CENPF: variants seen among roughly 807,000 people sequenced by gnomAD.
CENPF encodes the protein centromere protein F, also known as AH antigen.
A neutral mutation model predicts 307.3 loss-of-function variants in CENPF; 214 were observed. That is an observed-to-expected ratio of 0.70 (90% CI 0.62 to 0.78). CENPF has a LOEUF of 0.78. Ranked by LOEUF, CENPF falls within the 30% of genes least tolerant of loss-of-function variation. CENPF has a pLI of 0.00. For missense variants in CENPF, 3,401 were observed against 3,483.9 expected, an observed-to-expected ratio of 0.98 and a Z score of 0.60; for synonymous variants, 1,259 against 1,270.6, an observed-to-expected ratio of 0.99 and a Z score of 0.19.
chr1:214,631,011 A>G (rs1462870330), intron 9 of CENPF, among the ~76,000 whole-genome samples: 1 of 152,140 alleles, frequency 6.6e-6, no homozygotes, highest in African/African-American at 2.4e-5. Context: ...CTCACTCCCA[A>G]AGTGGTCTCA....
chr1:214,657,282 A>G lies in CENPF; in HGVS notation c.8835A>G (p.Pro2945=). 6.2e-7 allele frequency: 1 copy of G among 1,614,122 alleles called. No homozygotes were observed. Among genetic ancestry groups the G allele is most frequent in the Non-Finnish European group, 8.5e-7 (1 of 1,180,002 alleles). Reference sequence around the variant, plus strand: ...GAATATGGGAGAATGGTAGAGGACCAACACCTGCTACCCCAGAGAGCTTTT... The same window carrying G: ...GAATATGGGAGAATGGTAGAGGACCGACACCTGCTACCCCAGAGAGCTTTT... ...SSGIWENGRG[P]TPATPESFSK... The change falls in exon 18 of 20, where the codon CCA becomes CCG. Residue 2945 remains proline, a synonymous_variant. Coordinates refer to ENST00000366955, the MANE Select transcript of CENPF (RefSeq NM_016343.4).
Position 214,640,084 on chromosome 1 carries a change from A to G in CENPF, c.1746A>G (p.Glu582=), listed in dbSNP as rs1313674531. The part of the protein sequence containing the change: ...DLLKKREHHI[E]QLNDKLSKTE... ...TGAAGAAAAGAGAACATCACATTGA[A>G]CAACTTAATGATAAGTTAAGCAAGA... Residue 582 remains glutamate (E), a synonymous_variant, in exon 12 of 20, where the codon GAA becomes GAG. Coordinates refer to ENST00000366955, the MANE Select transcript of CENPF (RefSeq NM_016343.4). 6.3e-7 allele frequency: 1 copy of G among 1,597,044 alleles called. No individual in the cohort carries two copies. Among genetic ancestry groups the G allele is most frequent in the Non-Finnish European group, 8.5e-7 (1 of 1,176,020 alleles).
Position 214,652,906 on chromosome 1 carries a change from G to A in CENPF, c.8239G>A (p.Asp2747Asn), listed in dbSNP as rs1157397745. The stretch of plus-strand genomic sequence containing the variant: ...TCTCAGTTCACAGAAGCTGGAGATA[G>A]ACCTTTTAAAGTCTAGTAAAGAAGA... ...ECLSSQKLEI[D>N]LLKSSKEELN... The change falls in exon 16 of 20, where the codon GAC becomes AAC. Residue 2747 changes from aspartate (D) to asparagine (N), a missense_variant. Physicochemically the swap from Asp to Asn is conservative, Grantham distance 23. Coordinates refer to ENST00000366955, the MANE Select transcript of CENPF (RefSeq NM_016343.4). The A allele has an allele frequency of 6.2e-7, 1 of 1,608,872 alleles. No homozygotes were observed. Among genetic ancestry groups the A allele is most frequent in the Non-Finnish European group, 8.5e-7 (1 of 1,178,006 alleles).
rs766714430 is a variant in CENPF, at chr1:214,643,295, C to CGGTCTTTGCTT, written c.4960_4970dup (p.Ile1658LeufsTer51). 1 of 1,509,794 alleles carries CGGTCTTTGCTT rather than the reference C, an allele frequency of 6.6e-7. No individual in the cohort carries two copies. Among genetic ancestry groups the CGGTCTTTGCTT allele is most frequent in the African/African-American group, 1.4e-5 (1 of 70,940 alleles). The allele number at this position is 1,509,794 out of a possible 1,614,324, so 93.5% of individuals were successfully genotyped here. A position where few individuals can be genotyped will look rare whatever the true frequency, so the allele number is the denominator to read the frequency against. ...GCTACAAGGTCTGGACTTAAGTTCT[C>CGGTCTTTGCTT]GGTCTTTGCTTGGCATCGACACAGA... is the stretch of plus-strand genomic sequence containing the variant. On this transcript the variant is annotated frameshift_variant, in exon 12 of 20. Transcript: ENST00000366955. LOFTEE classifies it high-confidence loss of function.
At position 214,620,689 on chromosome 1, in the gene CENPF, A is replaced by G; in HGVS notation, c.608A>G (p.Asn203Ser). The G allele has an allele frequency of 6.2e-7, 1 of 1,613,998 alleles. No homozygotes were observed. The highest frequency in any genetic ancestry group is 8.5e-7 in the Non-Finnish European group (1 of 1,179,966). The change falls in exon 6 of 20, where the codon AAT becomes AGT. Residue 203 changes from asparagine (N) to serine (S), a missense_variant. Asn to Ser is a conservative substitution (Grantham distance 46, BLOSUM62 1). Transcript: ENST00000366955. ...ASQTLPQATM[N>S]HRDIARHQAS... ...CAGACTCTTCCACAAGCCACCATGAATCACCGCGACATTGCCCGGCATCAG... is the reference window on the plus strand; with the variant it reads ...CAGACTCTTCCACAAGCCACCATGAGTCACCGCGACATTGCCCGGCATCAG...
At position 214,620,870 on chromosome 1, in the gene CENPF, AAG is replaced by A. The variant is rs1229601353; in HGVS notation, c.793_794del (p.Asp265CysfsTer2). 2.5e-6 allele frequency: 4 copies of A among 1,614,096 alleles called. No homozygotes were observed. The African/African-American group carries it at 5.3e-5, about 22-fold the overall frequency. ...GTCGATCAACTTTGCAAATAGGGAA[AAG>A]AGATGCTAATAGCAGTTTCTTTGAC... is the stretch of plus-strand genomic sequence containing the variant. ...PSRSTLQIGKRDANSSFFDNS... is the reference protein window; with the variant it reads ...PSRSTLQIGKXDANSSFFDNS... On this transcript the variant is annotated frameshift_variant, in exon 6 of 20. Transcript: ENST00000366955. LOFTEE classifies it high-confidence loss of function.
chr1:214,661,768 A>AT (rs767809997), intron 19 of CENPF, among the ~76,000 whole-genome samples: 1 of 151,650 alleles, frequency 6.6e-6, no homozygotes, highest in Admixed American at 6.6e-5. Flanking sequence ...GGGATCTTGC[A>AT]TTTTTTCCTA....
intron 3 of CENPF, among the ~76,000 whole-genome samples, chr1:214,616,978 C>G (rs1372943406): frequency 7.3e-6 from 1 of 136,072 alleles, no homozygotes; most frequent in Non-Finnish European, 1.6e-5. Context: ...CCCTCCCTCC[C>G]TCCCTCCCTC....
intron 18 of CENPF, 114 bp from the exon 19 acceptor site, chr1:214,658,736 C>G (rs1658711911): frequency 9.6e-7 from 1 of 1,042,766 alleles, no homozygotes; most frequent in African/African-American, 1.6e-5. Flanking sequence ...GTGGCTAGGA[C>G]AAAGTATTTT....
chr1:214,631,585 A>G (rs1308378950), intron 9 of CENPF, among the ~76,000 whole-genome samples: 3 of 152,118 alleles, frequency 2.0e-5, no homozygotes, highest in Non-Finnish European at 4.4e-5. Flanking sequence ...CTGCAACCTC[A>G]TCCTCCCGGG....
At chr1:214,648,120 C>A (rs1658363608) in intron 13 of CENPF, 1 of 346,278 alleles carries the variant, frequency 2.9e-6, no homozygotes, top group Non-Finnish European at 5.8e-6. Context: ...GGACTATCCA[C>A]AAAATTCATC....
chr1:214,622,633 G>T (rs550997161), intron 7 of CENPF, among the ~76,000 whole-genome samples: 1 of 152,300 alleles, frequency 6.6e-6, no homozygotes, highest in African/African-American at 2.4e-5. Flanking sequence ...CATTTGATAG[G>T]ATTTAATTAA....
Position 214,605,641 on chromosome 1 carries a change from C to G in CENPF, c.-42+2320C>G, listed in dbSNP as rs539632176. 9.8e-6 allele frequency: 15 copies of G among 1,531,780 alleles called. No individual in the cohort carries two copies. The South Asian group carries it at 1.5e-4, about 15-fold the overall frequency. 94.9% of individuals were successfully genotyped at this position (1,531,780 alleles called of 1,614,324 possible). A position where few individuals can be genotyped will look rare whatever the true frequency, so the allele number is the denominator to read the frequency against. ...GCGCGGGGTGAGGTCCGGGGGCTGCCTTATTGCTGAGGTCTGGCCGGTTGG... is the reference window on the plus strand; with the variant it reads ...GCGCGGGGTGAGGTCCGGGGGCTGCGTTATTGCTGAGGTCTGGCCGGTTGG... On this transcript the variant is annotated intron_variant, in intron 1 of 19. Transcript: ENST00000366955.
intron 14 of CENPF, among the ~76,000 whole-genome samples, chr1:214,649,364 CTG>C (rs1248797902): frequency 6.6e-6 from 1 of 152,184 alleles, no homozygotes; most frequent in African/African-American, 2.4e-5. Flanking sequence ...TCTCCTAACA[CTG>C]TGTACTGGGT....
intron 15 of CENPF, 135 bp downstream of exon 15, chr1:214,652,021 T>C (rs1419848334): frequency 1.3e-5 from 8 of 630,428 alleles, no homozygotes; most frequent in Admixed American, 4.0e-5. Flanking sequence ...GGTCTCACAT[T>C]AACTTCACGA....
intron 17 of CENPF, 55 bp from the exon 18 acceptor site, chr1:214,656,878 T>C: frequency 8.5e-7 from 1 of 1,174,500 alleles, no homozygotes; most frequent in Non-Finnish European, 1.2e-6. Context: ...ACGATGCCCA[T>C]TGTTAACTAG....
intron 10 of CENPF, among the ~76,000 whole-genome samples, chr1:214,637,475 T>TC (rs1285701727): frequency 6.6e-6 from 1 of 152,134 alleles, no homozygotes; most frequent in East Asian, 1.9e-4. Flanking sequence ...ATTTTTTTTT[T>TC]TTTTTGGTTT....
In CENPF at chr1:214,640,912, A is replaced by T. The variant is rs1331017597; in HGVS notation, c.2574A>T (p.Gln858His). ...AAAAGCAGTGTGAAGAGTTGGTGCA[A>T]ATCAAAGGAGAAATAGAAGAAAATC... ...DLQKQCEELV[Q>H]IKGEIEENLM... The change falls in exon 12 of 20, where the codon CAA (glutamine) becomes CAT (histidine). Residue 858 changes from glutamine (Q) to histidine (H), a missense_variant. Gln to His is a conservative substitution (Grantham distance 24). Transcript: ENST00000366955. 3.1e-6 allele frequency: 5 copies of T among 1,607,470 alleles called. No individual in the cohort carries two copies. The highest frequency in any genetic ancestry group is 1.7e-5 in the Admixed American group (1 of 58,254).
chr1:214,617,840 T>C (rs944026986), intron 3 of CENPF, among the ~76,000 whole-genome samples: 1 of 152,202 alleles, frequency 6.6e-6, no homozygotes, highest in African/African-American at 2.4e-5. Context: ...TCTCTGTCTT[T>C]GGCTTAGAAT....
Sources: allele counts gnomAD v4.1 joint callset (sites outside exome capture counted in the v4.1 genomes callset), GRCh38; gene constraint gnomAD v4.1.1; transcripts MANE v1.5; gene names NCBI Gene and HGNC (gene_info 2026-07-23, HGNC 2026-07-21).